Variants in LRRC9 observed in about 807,000 individuals in gnomAD.
LRRC9 encodes leucine-rich repeat-containing protein 9.
Under a neutral mutation model 63.2 loss-of-function variants are expected in LRRC9, and 122 were observed. That is an observed-to-expected ratio of 1.93 (90% confidence interval 1.67 to 2.24). The LOEUF is 2.24. Ranked by LOEUF, LRRC9 falls within the 30% of genes most tolerant of loss-of-function variation. The pLI is 0.00. For missense variants in LRRC9, 1,071 were observed against 627.7 expected (o/e 1.71, Z -7.55); for synonymous variants, 366 against 213.1 (o/e 1.72, Z -6.25).
intron 12 of LRRC9, 21 bp from the exon 13 acceptor site, chr14:59,974,553 CAG>C (rs972546182): frequency 8.9e-5 from 54 of 604,134 alleles, no homozygotes; most frequent in Non-Finnish European, 1.3e-4. Context: ...TAAAAATACT[CAG>C]ACTTTGTTTT....
intron 8 of LRRC9, among the ~76,000 whole-genome samples, chr14:59,952,097 G>T (rs1883201857): frequency 6.6e-6 from 1 of 152,042 alleles, no homozygotes; most frequent in Non-Finnish European, 1.5e-5. Flanking sequence ...CCCTCCCCCA[G>T]CCTCGCTGCC....
intron 17 of LRRC9, among the ~76,000 whole-genome samples, chr14:59,989,260 GTCT>G (rs1422542389): frequency 2.0e-5 from 3 of 151,512 alleles, no homozygotes; most frequent in Non-Finnish European, 4.4e-5. Context: ...CCTTGCTGTT[GTCT>G]TCTTCTTCAG....
chr14:60,057,039 T>C (rs1894336942), intron 30 of LRRC9, among the ~76,000 whole-genome samples: 1 of 152,154 alleles, frequency 6.6e-6, no homozygotes, highest in South Asian at 2.1e-4. Context: ...GCAGCTTTAG[T>C]AAAAGGACCA....
At chr14:60,046,204 T>C (rs1410047528) in intron 29 of LRRC9, among the ~76,000 whole-genome samples, 1 of 152,232 alleles carries the variant, frequency 6.6e-6, no homozygotes, top group Non-Finnish European at 1.5e-5. Context: ...GCAGAATTTT[T>C]CTCCCATTCT....
At position 59,958,816 on chromosome 14, in the gene LRRC9, C is replaced by A. The variant is rs1243974270; in HGVS notation, c.883-1002C>A. Among the ~76,000 whole-genome samples, 1 of 152,296 alleles carries A rather than the reference C, an allele frequency of 6.6e-6. No homozygotes were observed. Among genetic ancestry groups the A allele is most frequent in the African/African-American group, 2.4e-5 (1 of 41,566 alleles). ...AAAAACGGTGGGAAAAGCATAGTAA[C>A]CCGGCTGGGTAGCACAGTCCCTCAC... is the stretch of plus-strand genomic sequence containing the variant. On this transcript the variant is annotated intron_variant, in intron 8 of 31. Transcript: ENST00000445360. The surrounding 1 kb of genome is among the most constrained non-coding windows in gnomAD (Gnocchi z 4.0).
At chr14:59,968,705 T>C (rs1195596043) in intron 12 of LRRC9, among the ~76,000 whole-genome samples, 4 of 152,188 alleles carry the variant, frequency 2.6e-5, no homozygotes, top group Non-Finnish European at 5.9e-5. Context: ...CAGAGAACTA[T>C]GAACCATTAT....
intron 17 of LRRC9, among the ~76,000 whole-genome samples, chr14:59,995,964 T>A (rs1888739398): frequency 6.6e-6 from 1 of 152,098 alleles, no homozygotes; most frequent in African/African-American, 2.4e-5. Flanking sequence ...ATGGTCTCAA[T>A]TTCTTGACCT....
intron 7 of LRRC9, among the ~76,000 whole-genome samples, chr14:59,944,088 T>C (rs1353997376): frequency 1.3e-5 from 2 of 152,104 alleles, no homozygotes; most frequent in Middle Eastern, 3.4e-3. Flanking sequence ...ATGGATTTGA[T>C]AGACATTTAG....
intron 26 of LRRC9, among the ~76,000 whole-genome samples, chr14:60,020,814 A>G (rs542147637): frequency 6.1e-4 from 93 of 151,956 alleles, no homozygotes; most frequent in African/African-American, 2.1e-3. Context: ...CCTCCTTTTT[A>G]TTGCTGAATA....
intron 7 of LRRC9, among the ~76,000 whole-genome samples, chr14:59,941,481 T>A (rs910800526): frequency 6.6e-6 from 1 of 151,738 alleles, no homozygotes; most frequent in Non-Finnish European, 1.5e-5. Flanking sequence ...ATAAAATATC[T>A]ATTAAATTTT....
At chr14:59,980,712 C>T (rs1886836868) in intron 15 of LRRC9, among the ~76,000 whole-genome samples, 1 of 152,116 alleles carries the variant, frequency 6.6e-6, no homozygotes, top group African/African-American at 2.4e-5. Context: ...TAGTTCTGGA[C>T]ATTTATATTT....
intron 3 of LRRC9, among the ~76,000 whole-genome samples, chr14:59,929,242 C>G (rs1043396057): frequency 6.6e-6 from 1 of 151,756 alleles, no homozygotes; most frequent in Admixed American, 6.6e-5. Context: ...ACAAACAACC[C>G]CATTAAAAAG....
At position 59,990,300 on chromosome 14, in the gene LRRC9, T is replaced by C. The variant is rs994842558; in HGVS notation, c.2211+5076T>C. ...TGAGTTTAGCCCCAACAGTTTCTTC[T>C]ATGAGAAGGATTCTGTCTTGAAGAG... On this transcript the variant is annotated intron_variant, in intron 17 of 31. Coordinates refer to ENST00000445360, the Ensembl canonical transcript of LRRC9. The surrounding 1 kb of genome is among the most constrained non-coding windows in gnomAD (Gnocchi z 4.2). Among the ~76,000 whole-genome samples, 4 of 152,220 alleles carry C rather than the reference T, an allele frequency of 2.6e-5. 1 individual carries two copies. Among genetic ancestry groups the C allele is most frequent in the African/African-American group, 7.2e-5 (3 of 41,450 alleles).
chr14:59,920,213 A>C (rs752675293), intron 1 of LRRC9: 3 of 152,410 alleles, frequency 2.0e-5, no homozygotes, highest in Admixed American at 6.5e-5. Flanking sequence ...GGATTGGGAA[A>C]TCGGAGTGGA....
At chr14:59,979,588 G>A (rs1886700068) in intron 15 of LRRC9, among the ~76,000 whole-genome samples, 2 of 152,112 alleles carry the variant, frequency 1.3e-5, no homozygotes, top group Admixed American at 1.3e-4. Flanking sequence ...TTCCAGCCTG[G>A]GCGACAGAGC....
In LRRC9 at chr14:60,061,918, A is replaced by G. The variant is rs529458839; in HGVS notation, c.4277-1405A>G. 6 of 396,784 alleles carry G rather than the reference A, an allele frequency of 1.5e-5. No homozygotes were observed. In the South Asian group the frequency reaches 6.9e-4, roughly 46 times the overall value. 24.6% of individuals were successfully genotyped at this position (396,784 alleles called of 1,614,324 possible). ...TGTATTGCATACATTCCGCTGAAGGACAACCAAACTATATTGCTTAATGCT... is the reference window on the plus strand; with the variant it reads ...TGTATTGCATACATTCCGCTGAAGGGCAACCAAACTATATTGCTTAATGCT... On this transcript the variant is annotated intron_variant, in intron 31 of 31. Coordinates refer to ENST00000445360, the Ensembl canonical transcript of LRRC9.
At chr14:59,992,530 G>A (rs537904016) in intron 17 of LRRC9, among the ~76,000 whole-genome samples, 2 of 152,116 alleles carry the variant, frequency 1.3e-5, no homozygotes, top group East Asian at 1.9e-4. Flanking sequence ...GAGGAAGTTC[G>A]AACCAATGGC....
chr14:60,006,823 C>A (rs940138260), intron 22 of LRRC9: 3 of 351,450 alleles, frequency 8.5e-6, no homozygotes, highest in Non-Finnish European at 1.5e-5. Context: ...ATTTGCTATC[C>A]TTCTGGGGTA....
Position 60,038,391 on chromosome 14 carries a change from T to C in LRRC9, c.3990+6328T>C, listed in dbSNP as rs1001099141. 5.9e-5 allele frequency among the ~76,000 whole-genome samples: 9 copies of C among 152,212 alleles called. No individual in the cohort carries two copies. In the East Asian group the frequency reaches 1.3e-3, roughly 23 times the overall value. Reference sequence around the variant, plus strand: ...ATTTTCACAATATTGATTCTTCCTATCCATGAGCATGGAATGTTCTTCCAT... The same window carrying C: ...ATTTTCACAATATTGATTCTTCCTACCCATGAGCATGGAATGTTCTTCCAT... On this transcript the variant is annotated intron_variant, in intron 29 of 31. Transcript: ENST00000445360.
Sources: gnomAD v4.1 joint callset for allele counts (sites outside exome capture counted in the v4.1 genomes callset) on GRCh38, gnomAD v4.1.1 for gene constraint, Gnocchi (gnomAD v3.1) non-coding constraint, MANE v1.5 for transcripts, NCBI Gene and HGNC (gene_info 2026-07-23, HGNC 2026-07-21) for gene names.